The following MIB1 variants were observed in gnomAD, a reference collection of about 807,000 sequenced individuals.
MIB1 encodes E3 ubiquitin-protein ligase MIB1.
Under a neutral mutation model 124.5 loss-of-function variants are expected in MIB1, and 278 were observed. The observed-to-expected ratio is 2.23, with a 90% CI of 2.02 to 2.47. MIB1 has a LOEUF of 2.47. Ranked by LOEUF, MIB1 falls within the 30% of genes most tolerant of loss-of-function variation. The pLI is 0.00. For synonymous variants in MIB1, 446 were observed against 429.4 expected (o/e 1.04, Z -0.48); for missense variants, 957 against 1,254.4 (o/e 0.76, Z 3.58).
At chr18:21,798,941 T>C (rs951583874) in intron 8 of MIB1, among the ~76,000 whole-genome samples, 2 of 152,134 alleles carry the variant, frequency 1.3e-5, no homozygotes, top group Non-Finnish European at 2.9e-5. Flanking sequence ...TTTGTCCTGC[T>C]TTCTGCTTCC....
At chr18:21,739,915 A>C (rs1233088543), upstream of MIB1, among the ~76,000 whole-genome samples, 3 of 151,200 alleles carry the variant, frequency 2.0e-5, no homozygotes, top group African/African-American at 7.4e-5. Context: ...CCTGTCTCAA[A>C]AACAAAGCAA....
intron 13 of MIB1, 102 bp downstream of exon 13, chr18:21,838,599 A>G: frequency 2.3e-6 from 2 of 881,460 alleles, no homozygotes; most frequent in East Asian, 5.6e-5. Context: ...GCCTATTAGT[A>G]GGTTCCAGTA....
At chr18:21,840,454 G>A (rs934533978) in intron 13 of MIB1, among the ~76,000 whole-genome samples, 5 of 151,612 alleles carry the variant, frequency 3.3e-5, no homozygotes, top group South Asian at 2.1e-4. Flanking sequence ...CACAACTTAC[G>A]CAAAAATTAA....
intron 1 of MIB1, chr18:21,712,135 T>C (rs2040668523): frequency 6.2e-6 from 1 of 161,466 alleles, no homozygotes. Flanking sequence ...TTTTTAAAAA[T>C]CCTGATCAAG....
intron 15 of MIB1, among the ~76,000 whole-genome samples, chr18:21,846,641 CTTAA>C (rs1568225328): frequency 6.6e-6 from 1 of 152,112 alleles, no homozygotes; most frequent in African/African-American, 2.4e-5. Flanking sequence ...TTCTGTTGGG[CTTAA>C]TTGACTTGAT....
At chr18:21,778,410 A>AT (rs1452875783) in intron 5 of MIB1, among the ~76,000 whole-genome samples, 1 of 152,164 alleles carries the variant, frequency 6.6e-6, no homozygotes, top group African/African-American at 2.4e-5. Context: ...TGAAACTTTT[A>AT]TGTTTTAACT....
At chr18:21,856,276 A>C (rs544760123) in intron 18 of MIB1, among the ~76,000 whole-genome samples, 439 of 149,854 alleles carry the variant, frequency 2.9e-3, no homozygotes, top group African/African-American at 7.4e-3. Context: ...CAAAACAAAA[A>C]AAAAACAATC....
chr18:21,720,370 A>C (rs932203071), intron 1 of MIB1, among the ~76,000 whole-genome samples: 1 of 152,250 alleles, frequency 6.6e-6, no homozygotes, highest in Non-Finnish European at 1.5e-5. Flanking sequence ...ATGATCATCC[A>C]GAAATTAAGG....
chr18:21,797,092 A>T (rs542251393), intron 7 of MIB1, among the ~76,000 whole-genome samples: 39 of 152,320 alleles, frequency 2.6e-4, no homozygotes, highest in South Asian at 1.5e-3. Flanking sequence ...TGAACACTGG[A>T]ATTTTGTGAT....
intron 1 of MIB1, among the ~76,000 whole-genome samples, chr18:21,758,058 G>A (rs1483743010): frequency 2.0e-5 from 3 of 152,126 alleles, no homozygotes; most frequent in Non-Finnish European, 4.4e-5. Flanking sequence ...GTGACTTCAG[G>A]CAGGTTACTT....
In MIB1 at chr18:21,815,800, A is replaced by AT; in HGVS notation, c.1665dup (p.Pro556SerfsTer7). ...AAGACTTTATTGGACTTTGGCTGTC[A>AT]TCCCAGTCTCCAGGTAAAACCTTTA... On this transcript the variant is annotated frameshift_variant, in exon 11 of 21. Coordinates refer to ENST00000261537, the MANE Select transcript of MIB1 (RefSeq NM_020774.4). LOFTEE classifies it high-confidence loss of function. 1 of 1,614,130 alleles carries AT rather than the reference A, an allele frequency of 6.2e-7. No homozygotes were observed. Among genetic ancestry groups the AT allele is most frequent in the Non-Finnish European group, 8.5e-7 (1 of 1,179,980 alleles).
intron 3 of MIB1, 80 bp from the exon 4 acceptor site, chr18:21,773,544 G>A (rs2041245777): frequency 1.1e-6 from 1 of 886,292 alleles, no homozygotes; most frequent in Admixed American, 2.8e-5. Context: ...TGATTTTTAA[G>A]ATTTAAATGT....
chr18:21,708,405 G>A (rs1337442542), intron 1 of MIB1, among the ~76,000 whole-genome samples: 3 of 152,192 alleles, frequency 2.0e-5, no homozygotes, highest in Admixed American at 2.0e-4. Flanking sequence ...TGTAATCCCA[G>A]CACTTTGGGA....
chr18:21,713,612 CAAAAAAAAAAAA>C (rs57282241), intron 1 of MIB1, among the ~76,000 whole-genome samples: 2 of 44,212 alleles, frequency 4.5e-5, no homozygotes, highest in Non-Finnish European at 9.3e-5. Context: ...GATTCTGTCT[CAAAAAAAAAAAA>C]AAAAAAAAAA....
At chr18:21,818,164 A>G (rs2041847302) in intron 11 of MIB1, among the ~76,000 whole-genome samples, 1 of 152,202 alleles carries the variant, frequency 6.6e-6, no homozygotes, top group Non-Finnish European at 1.5e-5. Context: ...CTGTGACTGC[A>G]CAAGATGTTC....
intron 18 of MIB1, among the ~76,000 whole-genome samples, chr18:21,856,803 G>A (rs1039099826): frequency 6.6e-6 from 1 of 152,158 alleles, no homozygotes; most frequent in African/African-American, 2.4e-5. Context: ...TTTGTCAATA[G>A]TATCTCTCTC....
intron 6 of MIB1, among the ~76,000 whole-genome samples, chr18:21,790,147 A>G (rs9966835): frequency 0.033 from 4,974 of 152,344 alleles, 115 homozygotes; most frequent in East Asian, 0.069. Context: ...ATTTTTATCC[A>G]TTAAATTGGC....
intron 1 of MIB1, among the ~76,000 whole-genome samples, chr18:21,708,954 A>G (rs2040652875): frequency 2.0e-5 from 3 of 152,202 alleles, no homozygotes; most frequent in African/African-American, 7.2e-5. Flanking sequence ...TTACAATGGT[A>G]TGTGATAGCT....
intron 6 of MIB1, among the ~76,000 whole-genome samples, chr18:21,781,724 T>A (rs1161019162): frequency 6.6e-6 from 1 of 152,104 alleles, no homozygotes; most frequent in East Asian, 1.9e-4. Context: ...GGGTTGATAC[T>A]TCTTCATGTC....
Sources: allele counts gnomAD v4.1 joint callset (sites outside exome capture counted in the v4.1 genomes callset), GRCh38; gene constraint gnomAD v4.1.1; transcripts MANE v1.5; gene names NCBI Gene and HGNC (gene_info 2026-07-23, HGNC 2026-07-21).